Variants in PDCD10 observed in about 807,000 individuals in gnomAD.
PDCD10 encodes programmed cell death protein 10.
A neutral mutation model predicts 29.2 loss-of-function variants in PDCD10; 4 were observed. The ratio of observed to expected loss-of-function variants is 0.14; its 90% CI spans 0.07 to 0.31. PDCD10 has a LOEUF of 0.31. Among genes scored for constraint, PDCD10 ranks in the 10% least tolerant of loss-of-function variants. The pLI is 1.00. For synonymous variants in PDCD10, 70 were observed against 82.2 expected, an observed-to-expected ratio of 0.85 and a Z score of 0.80; for missense variants, 183 against 257.9, an observed-to-expected ratio of 0.71 and a Z score of 1.99.
chr3:167,724,846 A>C (rs1404570703), intron 2 of PDCD10, among the ~76,000 whole-genome samples: 2 of 152,216 alleles, frequency 1.3e-5, no homozygotes, highest in African/African-American at 4.8e-5. Context: ...TTAAGCATCA[A>C]ATCATTAAAA....
intron 2 of PDCD10, among the ~76,000 whole-genome samples, chr3:167,729,013 C>CA (rs1415761520): frequency 3.9e-5 from 6 of 152,158 alleles, no homozygotes; most frequent in African/African-American, 1.4e-4. Context: ...ATAACTACTG[C>CA]AGTATGTGAT....
At chr3:167,726,353 C>G (rs993995549) in intron 2 of PDCD10, among the ~76,000 whole-genome samples, 4 of 152,110 alleles carry the variant, frequency 2.6e-5, no homozygotes, top group African/African-American at 9.7e-5. Flanking sequence ...CCCGCCTCAG[C>G]CTCCCAAAGT....
chr3:167,707,339 T>C (rs1722076477), intron 3 of PDCD10, among the ~76,000 whole-genome samples: 1 of 152,150 alleles, frequency 6.6e-6, no homozygotes, highest in African/African-American at 2.4e-5. Context: ...TCCAGCACTT[T>C]CCGAGCTTTA....
chr3:167,701,971 G>C (rs371261530), intron 4 of PDCD10, among the ~76,000 whole-genome samples: 23 of 152,246 alleles, frequency 1.5e-4, no homozygotes, highest in African/African-American at 5.5e-4. Flanking sequence ...TGGACAATGA[G>C]GAAGAAGACA....
At chr3:167,688,228 T>C (rs553133039) in intron 6 of PDCD10, among the ~76,000 whole-genome samples, 3 of 152,204 alleles carry the variant, frequency 2.0e-5, no homozygotes, top group Non-Finnish European at 4.4e-5. Context: ...TCAGAAAATA[T>C]TCCTCTCCCC....
rs375743134 is a variant in PDCD10, at chr3:167,719,028, C to T, written c.96+1034G>A. Among the ~76,000 whole-genome samples, 24 of 151,986 alleles carry T rather than the reference C, an allele frequency of 1.6e-4. No individual in the cohort carries two copies. In the East Asian group the frequency reaches 3.9e-3, roughly 24 times the overall value. ...ACTAAATCTGTGGCTTTCATGGCAACGAGTGTAAATGGATCACTCTCTACT... is the reference window on the plus strand; with the variant it reads ...ACTAAATCTGTGGCTTTCATGGCAATGAGTGTAAATGGATCACTCTCTACT... On this transcript the variant is annotated intron_variant, in intron 3 of 8. Coordinates refer to ENST00000392750, the MANE Select transcript of PDCD10 (RefSeq NM_007217.4).
chr3:167,687,782 T>C (rs1719775069), intron 6 of PDCD10, 89 bp from the exon 7 acceptor site: 10 of 741,506 alleles, frequency 1.3e-5, no homozygotes, highest in South Asian at 1.2e-4. Context: ...AGAAATTAAG[T>C]ACACTCTTAA....
At chr3:167,713,059 T>C (rs935630064) in intron 3 of PDCD10, among the ~76,000 whole-genome samples, 1 of 152,012 alleles carries the variant, frequency 6.6e-6, no homozygotes, top group East Asian at 1.9e-4. Context: ...AGACAGAAAA[T>C]CAACAAAGAA....
At chr3:167,726,292 TTTCACCATGTTGGTCAG>T (rs1450415798) in intron 2 of PDCD10, among the ~76,000 whole-genome samples, 1 of 151,928 alleles carries the variant, frequency 6.6e-6, no homozygotes, top group African/African-American at 2.4e-5. Context: ...GAGATGGGGG[TTTCACCATGTTGGTCAG>T]TTTGGTTTCA....
At chr3:167,722,472 A>G (rs1455659182) in intron 2 of PDCD10, among the ~76,000 whole-genome samples, 1 of 152,178 alleles carries the variant, frequency 6.6e-6, no homozygotes. Flanking sequence ...TTTCAAGAAG[A>G]AGGTAGCCAA....
At chr3:167,728,236 T>TAAA (rs199510641) in intron 2 of PDCD10, among the ~76,000 whole-genome samples, 1 of 131,112 alleles carries the variant, frequency 7.6e-6, no homozygotes. Flanking sequence ...CAGTTCTCAA[T>TAAA]AAAAAAAAAA....
chr3:167,725,796 TATATATATATATATA>T (rs1724092040), intron 2 of PDCD10, among the ~76,000 whole-genome samples: 1 of 119,446 alleles, frequency 8.4e-6, no homozygotes, highest in Non-Finnish European at 1.7e-5. Context: ...TATATATATA[TATATATATATATATA>T]TGCTTTAAAA....
intron 7 of PDCD10, 76 bp from the exon 8 acceptor site, chr3:167,687,392 G>C (rs1719737283): frequency 5.6e-6 from 5 of 894,218 alleles, no homozygotes; most frequent in Non-Finnish European, 9.3e-6. Flanking sequence ...GCAAGGACAA[G>C]AGATTACACA....
chr3:167,698,677 A>T (rs1481956565), intron 4 of PDCD10, among the ~76,000 whole-genome samples: 2 of 152,246 alleles, frequency 1.3e-5, no homozygotes, highest in Non-Finnish European at 2.9e-5. Flanking sequence ...AGCATTCAGT[A>T]ACAATACTTT....
At chr3:167,706,476 C>T (rs1721981635) in intron 3 of PDCD10, among the ~76,000 whole-genome samples, 1 of 152,214 alleles carries the variant, frequency 6.6e-6, no homozygotes, top group African/African-American at 2.4e-5. Context: ...CCTACTGTGT[C>T]TAGGCTACAA....
At chr3:167,686,232 CATGT>C (rs1031989624) in intron 8 of PDCD10, among the ~76,000 whole-genome samples, 2 of 152,128 alleles carry the variant, frequency 1.3e-5, no homozygotes, top group Non-Finnish European at 2.9e-5. Flanking sequence ...TATACGTATG[CATGT>C]ATGTATGTTA....
chr3:167,718,598 A>T (rs1723254206), intron 3 of PDCD10, among the ~76,000 whole-genome samples: 1 of 151,938 alleles, frequency 6.6e-6, no homozygotes, highest in Admixed American at 6.6e-5. Flanking sequence ...AGTTCTTGAC[A>T]AAAAAATTAA....
At chr3:167,694,843 C>T (rs913371327) in intron 6 of PDCD10, among the ~76,000 whole-genome samples, 4 of 152,222 alleles carry the variant, frequency 2.6e-5, no homozygotes, top group East Asian at 1.9e-4. Context: ...AAAAGACCTG[C>T]GCTAAATCTT....
intron 3 of PDCD10, among the ~76,000 whole-genome samples, chr3:167,718,806 C>G (rs1432921910): frequency 2.0e-5 from 3 of 151,510 alleles, no homozygotes; most frequent in Non-Finnish European, 4.4e-5. Flanking sequence ...GATGACAGAG[C>G]AGAAGATAAG....
Sources: allele counts gnomAD v4.1 joint callset (sites outside exome capture counted in the v4.1 genomes callset), GRCh38; gene constraint gnomAD v4.1.1; transcripts MANE v1.5; gene names NCBI Gene and HGNC (gene_info 2026-07-23, HGNC 2026-07-21).